Variants in OXR1 observed in about 807,000 individuals in gnomAD.
The protein encoded by OXR1 is oxidation resistance protein 1.
In OXR1, 41 loss-of-function variants were observed where a neutral mutation model predicts 104.6. The observed-to-expected ratio is 0.39, with a 90% CI of 0.31 to 0.51. The LOEUF (loss-of-function observed/expected upper bound fraction) is 0.51, where lower values mean the gene tolerates loss of function less well. OXR1 is among the 20% of genes least tolerant of loss of function. The probability of loss-of-function intolerance (pLI) is 0.77; values close to 1 mark genes in which losing one functional copy is unlikely to be tolerated. For synonymous variants in OXR1, 348 were observed against 348.4 expected (o/e 1.00, Z 0.01); for missense variants, 955 against 1,031.9 (o/e 0.93, Z 1.02).
intron 3 of OXR1, among the ~76,000 whole-genome samples, chr8:106,519,681 C>A (rs1286360493): frequency 1.3e-5 from 2 of 152,128 alleles, no homozygotes; most frequent in African/African-American, 4.8e-5. Flanking sequence ...TTGCACCTTG[C>A]TTTACTTTGG....
At chr8:106,670,449 G>T (rs985051645) in intron 3 of OXR1, among the ~76,000 whole-genome samples, 1 of 152,116 alleles carries the variant, frequency 6.6e-6, no homozygotes, top group African/African-American at 2.4e-5. Flanking sequence ...CAAGATATGT[G>T]ACACAATAGA....
intron 3 of OXR1, among the ~76,000 whole-genome samples, chr8:106,659,871 A>C (rs1484862709): frequency 6.6e-6 from 1 of 152,156 alleles, no homozygotes; most frequent in Non-Finnish European, 1.5e-5. Context: ...CCCTCCTTCA[A>C]AGTGGCGCTT....
intron 3 of OXR1, among the ~76,000 whole-genome samples, chr8:106,645,061 G>A (rs549525230): frequency 6.6e-6 from 1 of 152,144 alleles, no homozygotes; most frequent in South Asian, 2.1e-4. Flanking sequence ...ATCGATTAAA[G>A]AGGGGGTAAA....
intron 3 of OXR1, among the ~76,000 whole-genome samples, chr8:106,608,153 G>A (rs1037846701): frequency 2.6e-5 from 4 of 151,992 alleles, no homozygotes; most frequent in Non-Finnish European, 4.4e-5. Flanking sequence ...GGTCAGGCAC[G>A]GTGGTATGTG....
chr8:106,713,120 T>A (rs1831868993), intron 10 of OXR1, among the ~76,000 whole-genome samples: 1 of 152,034 alleles, frequency 6.6e-6, no homozygotes. Flanking sequence ...TTAAAAATCA[T>A]TATATTGAAA....
intron 2 of OXR1, among the ~76,000 whole-genome samples, chr8:106,491,928 AC>A (rs558599426): frequency 2.0e-5 from 3 of 152,362 alleles, no homozygotes; most frequent in Admixed American, 1.3e-4. Flanking sequence ...AATGAAAAAA[AC>A]AAAAGTGATA....
intron 2 of OXR1, among the ~76,000 whole-genome samples, chr8:106,492,436 A>G (rs1308852179): frequency 1.3e-5 from 2 of 152,208 alleles, no homozygotes; most frequent in Non-Finnish European, 2.9e-5. Context: ...GGAAAATAAG[A>G]GACTAAATTC....
At chr8:106,437,520 G>A (rs1819626414) in intron 2 of OXR1, among the ~76,000 whole-genome samples, 1 of 152,088 alleles carries the variant, frequency 6.6e-6, no homozygotes, top group Admixed American at 6.6e-5. Context: ...CTCTGATTTA[G>A]AGGACAGTAC....
intron 3 of OXR1, among the ~76,000 whole-genome samples, chr8:106,676,851 A>C (rs904967338): frequency 3.3e-5 from 5 of 152,082 alleles, no homozygotes; most frequent in African/African-American, 1.2e-4. Flanking sequence ...TGTTTTTATA[A>C]TATGTAATTA....
intron 2 of OXR1, among the ~76,000 whole-genome samples, chr8:106,500,385 C>T (rs984770809): frequency 6.6e-6 from 1 of 152,230 alleles, no homozygotes; most frequent in Non-Finnish European, 1.5e-5. Flanking sequence ...TTCCAGACAT[C>T]GTATAGAAGA....
intron 2 of OXR1, among the ~76,000 whole-genome samples, chr8:106,438,241 C>T (rs1462270275): frequency 6.6e-6 from 1 of 151,894 alleles, no homozygotes; most frequent in Non-Finnish European, 1.5e-5. Context: ...CCAGAGTCAT[C>T]TAAATAAAGA....
At chr8:106,593,366 A>T (rs1819254464) in intron 3 of OXR1, among the ~76,000 whole-genome samples, 1 of 152,230 alleles carries the variant, frequency 6.6e-6, no homozygotes, top group Admixed American at 6.5e-5. Context: ...TAGAGATATC[A>T]TATAAAATAG....
intron 1 of OXR1, among the ~76,000 whole-genome samples, chr8:106,331,965 TC>T (rs1814732913): frequency 6.6e-6 from 1 of 151,146 alleles, no homozygotes; most frequent in Non-Finnish European, 1.5e-5. Context: ...CTTTTGGCAT[TC>T]TTTGTTATAT....
chr8:106,418,028 A>C (rs981234020), intron 2 of OXR1, among the ~76,000 whole-genome samples: 1 of 152,146 alleles, frequency 6.6e-6, no homozygotes, highest in African/African-American at 2.4e-5. Context: ...GCAGTAGCCT[A>C]GTCAGTATCA....
intron 1 of OXR1, among the ~76,000 whole-genome samples, chr8:106,284,202 G>A (rs939337113): frequency 6.6e-6 from 1 of 151,934 alleles, no homozygotes; most frequent in African/African-American, 2.4e-5. Flanking sequence ...AAGCAGAGGC[G>A]GTCAGCAGGT....
intron 2 of OXR1, among the ~76,000 whole-genome samples, chr8:106,423,330 C>T (rs574788975): frequency 1.3e-5 from 2 of 152,258 alleles, no homozygotes; most frequent in East Asian, 1.9e-4. Flanking sequence ...AAAATGCAGT[C>T]GTCAACTATC....
chr8:106,437,969 C>A (rs1274376555), intron 2 of OXR1, among the ~76,000 whole-genome samples: 1 of 152,146 alleles, frequency 6.6e-6, no homozygotes. Flanking sequence ...GGGGCTTATA[C>A]ACTAGCTGGA....
chr8:106,646,857 CA>C (rs1342188517), intron 3 of OXR1, among the ~76,000 whole-genome samples: 3 of 152,182 alleles, frequency 2.0e-5, no homozygotes, highest in Non-Finnish European at 4.4e-5. Context: ...TATTGTTCCT[CA>C]AGGTTTTTAA....
chr8:106,587,714 C>T (rs1203525927), intron 3 of OXR1, among the ~76,000 whole-genome samples: 1 of 152,034 alleles, frequency 6.6e-6, no homozygotes, highest in East Asian at 1.9e-4. Flanking sequence ...TTTTTCCTTC[C>T]CTCCTCTTCA....
Sources: allele counts gnomAD v4.1 joint callset (sites outside exome capture counted in the v4.1 genomes callset), GRCh38; gene constraint gnomAD v4.1.1; transcripts MANE v1.5; gene names NCBI Gene and HGNC (gene_info 2026-07-23, HGNC 2026-07-21).